The following CFAP74 variants were observed in gnomAD, a reference collection of about 807,000 sequenced individuals.
The protein encoded by CFAP74 is cilia- and flagella-associated protein 74.
CFAP74 carries 124 observed loss-of-function variants against 188.9 expected under a neutral mutation model. The ratio of observed to expected loss-of-function variants is 0.66; its 90% CI spans 0.57 to 0.76. The LOEUF (loss-of-function observed/expected upper bound fraction) is 0.76. Among genes scored for constraint, CFAP74 ranks in the 30% least tolerant of loss-of-function variants. The pLI is 0.00. For missense variants in CFAP74, 2,198 were observed against 2,165.2 expected, an observed-to-expected ratio of 1.02 and a Z score of -0.30; for synonymous variants, 956 against 916.7, an observed-to-expected ratio of 1.04 and a Z score of -0.77.
chr1:1,962,601 TG>T (rs1431717535), intron 14 of CFAP74, among the ~76,000 whole-genome samples: 1 of 147,738 alleles, frequency 6.8e-6, no homozygotes, highest in Non-Finnish European at 1.5e-5. Flanking sequence ...AAGAAGAAAA[TG>T]GGCCAGGCAC....
Position 1,966,521 on chromosome 1 carries a change from G to A in CFAP74, c.1251C>T (p.Tyr417=), listed in dbSNP as rs61734009. The A allele has an allele frequency of 2.6e-3, 3,977 of 1,559,132 alleles. 62 individuals carry two copies. In the African/African-American group the frequency reaches 0.045, roughly 18 times the overall value. Residue 417 remains tyrosine (Y), a synonymous_variant, in exon 12 of 39, where the codon TAC becomes TAT. Transcript: ENST00000682832. Reference sequence around the variant, plus strand: ...AGGGCCCGGGGCCTGCAGCAGCCTCGTAGTCCTGCAGTCGGGGAGAGGAAC... The same window carrying A: ...AGGGCCCGGGGCCTGCAGCAGCCTCATAGTCCTGCAGTCGGGGAGAGGAAC... The part of the protein sequence containing the change: ...TVPTNTYTLD[Y]EAAAGPGPSR...
chr1:1,928,998 T>C, intron 26 of CFAP74, 116 bp from the exon 27 acceptor site: 1 of 659,302 alleles, frequency 1.5e-6, no homozygotes, highest in Non-Finnish European at 2.6e-6. Context: ...ACCTCCCCCT[T>C]GAGATTTCAG....
chr1:1,931,743 CAA>C (rs34088299), intron 25 of CFAP74, among the ~76,000 whole-genome samples: 1,067 of 77,092 alleles, frequency 0.014, 8 homozygotes, highest in African/African-American at 0.04. Flanking sequence ...GTCTCTGTCT[CAA>C]AAAAAAAAAA....
chr1:1,937,004 A>G (rs1652944867), intron 25 of CFAP74, among the ~76,000 whole-genome samples: 1 of 152,238 alleles, frequency 6.6e-6, no homozygotes. Flanking sequence ...TGACATTGTT[A>G]TGAGACGAGA....
intron 1 of CFAP74, among the ~76,000 whole-genome samples, chr1:2,000,532 A>C (rs180934724): frequency 6.6e-6 from 1 of 152,164 alleles, no homozygotes; most frequent in Admixed American, 6.5e-5. Flanking sequence ...TCAACAACAG[A>C]GTTGTCTCAC....
intron 6 of CFAP74, among the ~76,000 whole-genome samples, chr1:1,976,996 C>T (rs1442040727): frequency 6.6e-6 from 1 of 151,928 alleles, no homozygotes; most frequent in Admixed American, 6.6e-5. Context: ...CAGGTGCCTG[C>T]CACCATGCCC....
chr1:1,926,127 C>G (rs2102030404), intron 32 of CFAP74, 101 bp downstream of exon 32: 1 of 1,444,736 alleles, frequency 6.9e-7, no homozygotes, highest in South Asian at 1.5e-5. Flanking sequence ...AGGCTTAGTC[C>G]CAGGCCTGAG....
At chr1:1,998,651 G>A (rs1049920560) in intron 1 of CFAP74, among the ~76,000 whole-genome samples, 4 of 152,180 alleles carry the variant, frequency 2.6e-5, no homozygotes, top group Admixed American at 1.3e-4. Flanking sequence ...GAGGTGGGCA[G>A]ATCGTGAGGT....
intron 25 of CFAP74, among the ~76,000 whole-genome samples, chr1:1,930,678 C>A (rs1002120136): frequency 2.6e-5 from 4 of 152,176 alleles, no homozygotes; most frequent in Non-Finnish European, 5.9e-5. Context: ...GCCTCAGCCT[C>A]CCGAGTAGCT....
intron 6 of CFAP74, among the ~76,000 whole-genome samples, chr1:1,982,009 A>ATG (rs1656913408): frequency 1.6e-5 from 2 of 127,754 alleles, no homozygotes; most frequent in African/African-American, 3.0e-5. Context: ...GTGGACAGAC[A>ATG]CGGGGACACG....
At position 1,923,294 on chromosome 1, in the gene CFAP74, C is replaced by G. The variant is rs370088598; in HGVS notation, c.4522+73G>C. On this transcript the variant is annotated intron_variant, in intron 36 of 38. Coordinates refer to ENST00000682832, the MANE Select transcript of CFAP74 (RefSeq NM_001304360.2). The surrounding 1 kb of genome is among the most constrained non-coding windows in gnomAD (Gnocchi z 6.3). ...GAATCCCTGCCCTGCTCCGCTGGGTCTCGGGGCCCCCATCCACGGGACAGG... is the reference window on the plus strand; with the variant it reads ...GAATCCCTGCCCTGCTCCGCTGGGTGTCGGGGCCCCCATCCACGGGACAGG... 1.3e-5 allele frequency: 19 copies of G among 1,512,770 alleles called. No homozygotes were observed. In the South Asian group the frequency reaches 1.7e-4, roughly 14 times the overall value. 93.7% of individuals were successfully genotyped at this position (1,512,770 alleles called of 1,614,324 possible).
At chr1:1,961,223 G>A (rs1469637456) in intron 14 of CFAP74, among the ~76,000 whole-genome samples, 1 of 152,192 alleles carries the variant, frequency 6.6e-6, no homozygotes, top group Non-Finnish European at 1.5e-5. Context: ...AATGAATGGG[G>A]GAGGGGCGAT....
chr1:1,976,063 T>C (rs1656420239), intron 6 of CFAP74, among the ~76,000 whole-genome samples: 1 of 152,348 alleles, frequency 6.6e-6, no homozygotes, highest in Non-Finnish European at 1.5e-5. Context: ...AGGCAGTGCC[T>C]GTCTGTGTCC....
rs1225143959 is a variant in CFAP74 at position 1,972,954 on chromosome 1, C to T, written c.768G>A (p.Leu256=). 1.2e-6 allele frequency: 2 copies of T among 1,613,840 alleles called. No individual in the cohort carries two copies. The highest frequency in any genetic ancestry group is 1.7e-6 in the Non-Finnish European group (2 of 1,179,858). Residue 256 remains leucine, a synonymous_variant, in exon 8 of 39, where the codon CTG becomes CTA. Transcript: ENST00000682832. The part of the protein sequence containing the change: ...RKNHKVAVRF[L]KASLGRIREQ... ...GGCCCTACCTTCCCAGGGAGGCCTT[C>T]AGGAACCGCACGGCAACCTTGTGGT...
intron 18 of CFAP74, among the ~76,000 whole-genome samples, chr1:1,950,513 T>C (rs1287383254): frequency 6.6e-6 from 1 of 152,190 alleles, no homozygotes; most frequent in East Asian, 1.9e-4. Context: ...CTAAGTTTTG[T>C]ATTTTTAGTA....
intron 5 of CFAP74, among the ~76,000 whole-genome samples, chr1:1,985,827 G>A (rs547958674): frequency 1.3e-5 from 2 of 152,316 alleles, no homozygotes; most frequent in Non-Finnish European, 2.9e-5. Context: ...CCAAGCCCTC[G>A]CGTCAGGGCG....
In CFAP74 at chr1:1,973,759, C is replaced by T. The variant is rs1656246379; in HGVS notation, c.674+266G>A. The stretch of plus-strand genomic sequence containing the variant: ...GAGGGGCAGTCTTGCTGGAGCGTGG[C>T]TTTAGTAGCCAGCTTTAGCGGCTGT... On this transcript the variant is annotated intron_variant, in intron 7 of 38. Coordinates refer to ENST00000682832, the MANE Select transcript of CFAP74 (RefSeq NM_001304360.2). The surrounding 1 kb of genome is among the most constrained non-coding windows in gnomAD (Gnocchi z 6.2). Among the ~76,000 whole-genome samples the T allele has an allele frequency of 6.6e-6, 1 of 151,974 alleles. No homozygotes were observed. Among genetic ancestry groups the T allele is most frequent in the Admixed American group, 6.6e-5 (1 of 15,262 alleles).
At chr1:1,938,656 G>A (rs911459917) in intron 25 of CFAP74, among the ~76,000 whole-genome samples, 199 bp downstream of exon 25, 3 of 152,154 alleles carry the variant, frequency 2.0e-5, no homozygotes, top group African/African-American at 7.2e-5. Context: ...AGTGGGCCCA[G>A]AACTCAAGGC....
chr1:1,966,540 G>C lies in CFAP74; in HGVS notation c.1246-14C>G. 2 of 1,519,112 alleles carry C rather than the reference G, an allele frequency of 1.3e-6. No homozygotes were observed. Among genetic ancestry groups the C allele is most frequent in the African/African-American group, 1.4e-5 (1 of 71,440 alleles). 94.1% of individuals were successfully genotyped at this position (1,519,112 alleles called of 1,614,324 possible). On this transcript the variant is annotated splice_polypyrimidine_tract_variant and intron_variant, in intron 11 of 38. Coordinates refer to ENST00000682832, the MANE Select transcript of CFAP74 (RefSeq NM_001304360.2). ...AGCCTCGTAGTCCTGCAGTCGGGGA[G>C]AGGAACATCGCAAAGACACGCTCAT...
Sources: allele counts gnomAD v4.1 joint callset (sites outside exome capture counted in the v4.1 genomes callset), GRCh38; gene constraint gnomAD v4.1.1; non-coding constraint Gnocchi (gnomAD v3.1); transcripts MANE v1.5; gene names NCBI Gene and HGNC (gene_info 2026-07-23, HGNC 2026-07-21).